NEK1: variants seen among roughly 807,000 people sequenced by gnomAD.
NEK1 encodes serine/threonine-protein kinase Nek1.
In NEK1, 137 loss-of-function variants were observed where a neutral mutation model predicts 182.1. The ratio of observed to expected loss-of-function variants is 0.75; its 90% confidence interval spans 0.65 to 0.87. The LOEUF is 0.87. Ranked by LOEUF, NEK1 falls within the 40% of genes least tolerant of loss-of-function variation. NEK1 has a pLI of 0.00. For missense variants in NEK1, 1,391 were observed against 1,494.4 expected, an observed-to-expected ratio of 0.93 and a Z score of 1.14; for synonymous variants, 513 against 492.2, an observed-to-expected ratio of 1.04 and a Z score of -0.56.
rs187185418 is a variant in NEK1, at chr4:169,508,014, C to T, written c.1834-222G>A. 8.5e-3 allele frequency among the ~76,000 whole-genome samples: 1,287 copies of T among 152,206 alleles called. 16 individuals carry two copies. Among genetic ancestry groups the T allele is most frequent in the Non-Finnish European group, 0.01 (694 of 67,996 alleles). ...TAATGATATAAAATGCATTTTAATCCTCCCATGAATACTAGTTATATTTTC... is the reference window on the plus strand; with the variant it reads ...TAATGATATAAAATGCATTTTAATCTTCCCATGAATACTAGTTATATTTTC... On this transcript the variant is annotated intron_variant, in intron 21 of 35. Transcript: ENST00000507142.
At chr4:169,505,029 T>TA (rs879608728) in intron 23 of NEK1, among the ~76,000 whole-genome samples, 40 of 148,072 alleles carry the variant, frequency 2.7e-4, no homozygotes, top group Admixed American at 2.7e-4. Context: ...AAATTAAAAG[T>TA]AAAAAAAAAA....
At chr4:169,426,609 C>T (rs548910051) in intron 29 of NEK1, among the ~76,000 whole-genome samples, 6 of 152,112 alleles carry the variant, frequency 3.9e-5, no homozygotes, top group Non-Finnish European at 8.8e-5. Flanking sequence ...GGAAAAGTCC[C>T]GAAGTCATTC....
chr4:169,577,756 AAATAATAATAAT>A (rs372782497), intron 11 of NEK1, among the ~76,000 whole-genome samples: 1 of 151,130 alleles, frequency 6.6e-6, no homozygotes, highest in Admixed American at 6.6e-5. Context: ...TCCGTCTCAA[AAATAATAATAAT>A]AATAATAATA....
chr4:169,397,556 C>T (rs1473506032), intron 35 of NEK1, among the ~76,000 whole-genome samples: 1 of 152,108 alleles, frequency 6.6e-6, no homozygotes, highest in African/African-American at 2.4e-5. Context: ...CCAGGGTAGG[C>T]ATCTTCAATT....
At chr4:169,610,793 G>A (rs1772195447) in intron 2 of NEK1, among the ~76,000 whole-genome samples, 1 of 152,200 alleles carries the variant, frequency 6.6e-6, no homozygotes, top group Non-Finnish European at 1.5e-5. Context: ...TAGACAGGCT[G>A]TCTTGAAGGG....
intron 16 of NEK1, among the ~76,000 whole-genome samples, chr4:169,558,923 T>C (rs1470501225): frequency 6.6e-6 from 1 of 152,180 alleles, no homozygotes; most frequent in African/African-American, 2.4e-5. Flanking sequence ...ATTTGATTCA[T>C]ATGATACTGA....
intron 23 of NEK1, among the ~76,000 whole-genome samples, chr4:169,505,575 G>A (rs1358918329): frequency 2.6e-5 from 4 of 152,214 alleles, no homozygotes; most frequent in African/African-American, 7.2e-5. Flanking sequence ...GTCAAAAGTC[G>A]TATGTGAATT....
At chr4:169,513,513 A>T (rs187794597) in intron 19 of NEK1, among the ~76,000 whole-genome samples, 1 of 152,030 alleles carries the variant, frequency 6.6e-6, no homozygotes, top group East Asian at 1.9e-4. Context: ...ATCATTATCA[A>T]CTTGAAATAG....
At chr4:169,397,954 TGGAATAG>T (rs2110968802) in intron 35 of NEK1, among the ~76,000 whole-genome samples, 1 of 152,136 alleles carries the variant, frequency 6.6e-6, no homozygotes, top group Non-Finnish European at 1.5e-5. Context: ...CGCCTGGAGG[TGGAATAG>T]TCTGAATATG....
At chr4:169,539,922 C>G (rs1030583011) in intron 18 of NEK1, among the ~76,000 whole-genome samples, 1 of 152,136 alleles carries the variant, frequency 6.6e-6, no homozygotes, top group Non-Finnish European at 1.5e-5. Context: ...CCTGAACTTA[C>G]AATTGGCATA....
At chr4:169,581,042 A>AAAAC in intron 10 of NEK1, 140 bp from the exon 11 acceptor site, 1 of 292,668 alleles carries the variant, frequency 3.4e-6, no homozygotes, top group Non-Finnish European at 6.0e-6. Flanking sequence ...AAGTTGTTAA[A>AAAAC]AAAAAAAAAA....
At chr4:169,525,410 A>G (rs1580463581) in intron 19 of NEK1, among the ~76,000 whole-genome samples, 1 of 152,188 alleles carries the variant, frequency 6.6e-6, no homozygotes, top group East Asian at 1.9e-4. Context: ...GATTACAGGC[A>G]TGAGCCACTG....
chr4:169,509,740 A>G lies in NEK1; in HGVS notation c.1666-888T>C, dbSNP rs1440282824. 3.3e-5 allele frequency among the ~76,000 whole-genome samples: 5 copies of G among 152,292 alleles called. No homozygotes were observed. The East Asian group carries it at 9.6e-4, about 29-fold the overall frequency. ...TATATGCATTTTTTTCTGTCATAAC[A>G]TAATACATACTCATTATAGAAAATT... is the stretch of plus-strand genomic sequence containing the variant. On this transcript the variant is annotated intron_variant, in intron 19 of 35. Coordinates refer to ENST00000507142, the MANE Select transcript of NEK1 (RefSeq NM_001199397.3).
intron 12 of NEK1, among the ~76,000 whole-genome samples, chr4:169,563,997 C>T (rs1763321886): frequency 6.6e-6 from 1 of 151,902 alleles, no homozygotes; most frequent in Non-Finnish European, 1.5e-5. Flanking sequence ...AAGTCCTTTT[C>T]TTTTTTCCAG....
At chr4:169,561,640 A>T in intron 15 of NEK1, 47 bp downstream of exon 15, 1 of 1,578,296 alleles carries the variant, frequency 6.3e-7, no homozygotes, top group South Asian at 1.1e-5. Context: ...ACTGAAAATC[A>T]GTGTATTCCT....
chr4:169,432,893 C>T (rs951886900), intron 29 of NEK1, among the ~76,000 whole-genome samples: 2 of 152,162 alleles, frequency 1.3e-5, no homozygotes, highest in South Asian at 2.1e-4. Context: ...CCTGCCTCAG[C>T]CTCCTGAGTA....
At chr4:169,583,607 T>G (rs1767041463) in intron 10 of NEK1, among the ~76,000 whole-genome samples, 1 of 152,222 alleles carries the variant, frequency 6.6e-6, no homozygotes, top group Non-Finnish European at 1.5e-5. Context: ...TAAATTCCAG[T>G]ACTTCAGCCT....
intron 12 of NEK1, among the ~76,000 whole-genome samples, chr4:169,564,431 G>T (rs571874325): frequency 2.0e-5 from 3 of 152,128 alleles, no homozygotes; most frequent in African/African-American, 7.2e-5. Context: ...ATAAGTCATT[G>T]ATATAAAATT....
intron 23 of NEK1, among the ~76,000 whole-genome samples, chr4:169,486,181 C>A (rs776339907): frequency 6.6e-5 from 10 of 151,334 alleles, no homozygotes; most frequent in African/African-American, 1.2e-4. Flanking sequence ...GCTTTAGAAG[C>A]TTTTTTTTTC....
Sources: allele counts gnomAD v4.1 joint callset (sites outside exome capture counted in the v4.1 genomes callset), GRCh38; gene constraint gnomAD v4.1.1; transcripts MANE v1.5; gene names NCBI Gene and HGNC (gene_info 2026-07-23, HGNC 2026-07-21).